Variants in TMED10 observed in about 807,000 individuals in gnomAD.
TMED10 encodes the protein transmembrane emp24 domain-containing protein 10.
Under a neutral mutation model 23.1 loss-of-function variants are expected in TMED10, and 7 were observed. The observed-to-expected ratio is 0.30, with a 90% CI of 0.17 to 0.57. The LOEUF (loss-of-function observed/expected upper bound fraction) is 0.57, where lower values mean the gene tolerates loss of function less well. Ranked by LOEUF, TMED10 falls within the 20% of genes least tolerant of loss-of-function variation. The pLI, the probability that TMED10 is intolerant of heterozygous loss-of-function variation, is 0.91. For missense variants in TMED10, 162 were observed against 274.8 expected, an observed-to-expected ratio of 0.59 and a Z score of 2.90; for synonymous variants, 113 against 106.9, an observed-to-expected ratio of 1.06 and a Z score of -0.35.
chr14:75,159,543 A>G (rs939532426), intron 1 of TMED10, among the ~76,000 whole-genome samples: 43 of 152,356 alleles, frequency 2.8e-4, no homozygotes, highest in African/African-American at 9.6e-4. Context: ...TCCTGGAAGA[A>G]GAGATTATAA....
Position 75,153,566 on chromosome 14 carries a change from A to G in TMED10, c.226-1423T>C, listed in dbSNP as rs563379931. On this transcript the variant is annotated intron_variant, in intron 1 of 4. Coordinates refer to ENST00000303575, the MANE Select transcript of TMED10 (RefSeq NM_006827.6). Reference sequence around the variant, plus strand: ...TAGTAGAAAGCATATTTCATCACTTAAGACTGGAAGCTACTTTGCAATGTG... The same window carrying G: ...TAGTAGAAAGCATATTTCATCACTTGAGACTGGAAGCTACTTTGCAATGTG... 2.6e-5 allele frequency among the ~76,000 whole-genome samples: 4 copies of G among 152,330 alleles called. No individual in the cohort carries two copies. In the East Asian group the frequency reaches 5.8e-4, roughly 22 times the overall value.
intron 1 of TMED10, among the ~76,000 whole-genome samples, chr14:75,166,659 G>T (rs758021837): frequency 1.3e-5 from 2 of 152,146 alleles, no homozygotes; most frequent in African/African-American, 4.8e-5. Context: ...GGAGAAGGAC[G>T]CAAAGGTCAA....
intron 1 of TMED10, among the ~76,000 whole-genome samples, chr14:75,157,149 GAAGAA>G (rs902483609): frequency 6.6e-6 from 1 of 152,164 alleles, no homozygotes; most frequent in African/African-American, 2.4e-5. Flanking sequence ...CCAGGATGCA[GAAGAA>G]AAGAAAAGGC....
chr14:75,147,185 G>T (rs1337120176), intron 3 of TMED10, among the ~76,000 whole-genome samples: 40 of 116,612 alleles, frequency 3.4e-4, no homozygotes, highest in African/African-American at 9.5e-4. Context: ...CTTCAAGGCT[G>T]TTTTTTTTTT....
At chr14:75,170,420 G>T (rs150154571) in intron 1 of TMED10, among the ~76,000 whole-genome samples, 1 of 152,246 alleles carries the variant, frequency 6.6e-6, no homozygotes, top group African/African-American at 2.4e-5. Flanking sequence ...AGAAACAGTT[G>T]TTCTGAGGTC....
At chr14:75,171,986 G>T (rs1208203366) in intron 1 of TMED10, among the ~76,000 whole-genome samples, 1 of 151,572 alleles carries the variant, frequency 6.6e-6, no homozygotes, top group Non-Finnish European at 1.5e-5. Flanking sequence ...GAACGTGCAG[G>T]TTTGTTACAT....
chr14:75,139,569 A>C (rs1895796192), intron 3 of TMED10, among the ~76,000 whole-genome samples: 1 of 151,576 alleles, frequency 6.6e-6, no homozygotes, highest in Non-Finnish European at 1.5e-5. Flanking sequence ...CTGGGAGGTC[A>C]AGGCTGCAGT....
intron 2 of TMED10, among the ~76,000 whole-genome samples, chr14:75,149,096 T>C (rs1370018351): frequency 1.3e-5 from 2 of 152,146 alleles, no homozygotes; most frequent in East Asian, 1.9e-4. Context: ...TTTGTATTTT[T>C]TGTAGAGACA....
chr14:75,174,857 A>G (rs958910024), intron 1 of TMED10, among the ~76,000 whole-genome samples: 1 of 152,038 alleles, frequency 6.6e-6, no homozygotes, highest in African/African-American at 2.4e-5. Context: ...CCTGGCCAAC[A>G]TGGTGAACCG....
intron 1 of TMED10, among the ~76,000 whole-genome samples, chr14:75,172,481 T>A (rs1053103240): frequency 2.7e-4 from 41 of 152,140 alleles, no homozygotes; most frequent in Middle Eastern, 3.4e-3. Context: ...AATTTTTTTT[T>A]AAATTTTTAG....
chr14:75,174,000 G>C (rs1896268934), intron 1 of TMED10, among the ~76,000 whole-genome samples: 1 of 152,204 alleles, frequency 6.6e-6, no homozygotes, highest in Admixed American at 6.5e-5. Context: ...CAAAGAGTTA[G>C]GGTTACAGGC....
chr14:75,173,691 C>T (rs1420751943), intron 1 of TMED10, among the ~76,000 whole-genome samples: 1 of 152,056 alleles, frequency 6.6e-6, no homozygotes, highest in East Asian at 1.9e-4. Flanking sequence ...TAGTAAAGTG[C>T]TAGGGTGTGT....
rs1895962227 is a variant in TMED10 at position 75,152,159 on chromosome 14, T to C, written c.226-16A>G. The C allele has an allele frequency of 1.3e-6, 2 of 1,596,836 alleles. No homozygotes were observed. Among genetic ancestry groups the C allele is most frequent in the Non-Finnish European group, 1.7e-6 (2 of 1,165,180 alleles). On this transcript the variant is annotated splice_polypyrimidine_tract_variant and intron_variant, in intron 1 of 4. Coordinates refer to ENST00000303575, the MANE Select transcript of TMED10 (RefSeq NM_006827.6). ...AATCTGTGATCTAAAATAAGAAAAG[T>C]AGTAAGAATAGGCAGCAAATAACAC...
chr14:75,135,403 G>A (rs942123015), intron 4 of TMED10, among the ~76,000 whole-genome samples: 5 of 152,086 alleles, frequency 3.3e-5, no homozygotes, highest in Non-Finnish European at 7.4e-5. Flanking sequence ...TCGCACCACC[G>A]TACTCCAGCC....
chr14:75,151,212 TTTGTTGTTG>T (rs904730426), intron 2 of TMED10, among the ~76,000 whole-genome samples: 1 of 150,382 alleles, frequency 6.6e-6, no homozygotes, highest in Non-Finnish European at 1.5e-5. Context: ...GCCAGTTTTT[TTTGTTGTTG>T]TTGTTGTTTA....
chr14:75,162,301 A>T (rs913924953), intron 1 of TMED10, among the ~76,000 whole-genome samples: 1 of 152,134 alleles, frequency 6.6e-6, no homozygotes, highest in Admixed American at 6.6e-5. Flanking sequence ...AATCCAAAAA[A>T]TACAAGAATG....
In TMED10 at chr14:75,134,031, A is replaced by G. The variant is rs1566667681; in HGVS notation, c.*854T>C. 1 of 197,798 alleles carries G rather than the reference A, an allele frequency of 5.1e-6. No homozygotes were observed. The highest frequency in any genetic ancestry group is 1.0e-5 in the Non-Finnish European group (1 of 95,406). The allele number at this position is 197,798 out of a possible 1,614,324, so 12.3% of individuals were successfully genotyped here. On this transcript the variant is annotated 3_prime_UTR_variant, in exon 5 of 5. Transcript: ENST00000303575. ...TTCTGTATGATTCCATTCATACAAC[A>G]TTCTTGAAATGACAAAATTACAGAG...
Position 75,132,389 on chromosome 14 carries a change from C to G in TMED10, c.*2496G>C, listed in dbSNP as rs546439046. On this transcript the variant is annotated 3_prime_UTR_variant, in exon 5 of 5. Transcript: ENST00000303575. ...GGCGTTGCAGCAAGACTCCGTCCCC[C>G]CCCCCCCAAAAAAAAAAAAGTTTAA... The G allele has an allele frequency of 2.6e-5, 3 of 117,034 alleles. No individual in the cohort carries two copies. Among genetic ancestry groups the G allele is most frequent in the South Asian group, 3.9e-4 (1 of 2,596 alleles). 7.2% of individuals were successfully genotyped at this position (117,034 alleles called of 1,614,324 possible). A position where few individuals can be genotyped will look rare whatever the true frequency, so the allele number is the denominator to read the frequency against.
intron 1 of TMED10, among the ~76,000 whole-genome samples, chr14:75,165,503 G>A (rs1896149272): frequency 6.6e-6 from 1 of 152,192 alleles, no homozygotes; most frequent in African/African-American, 2.4e-5. Flanking sequence ...TGGGATTACA[G>A]GCGTGAGCCA....
Sources: allele counts gnomAD v4.1 joint callset (sites outside exome capture counted in the v4.1 genomes callset), GRCh38; gene constraint gnomAD v4.1.1; transcripts MANE v1.5; gene names NCBI Gene and HGNC (gene_info 2026-07-23, HGNC 2026-07-21).